ARMC3: variants seen among roughly 807,000 people sequenced by gnomAD.
ARMC3 encodes armadillo repeat containing 3, also known as armadillo repeat-containing protein 3.
In ARMC3, 74 loss-of-function variants were observed where a neutral mutation model predicts 90.3. The observed-to-expected ratio is 0.82, with a 90% CI of 0.68 to 0.99. The LOEUF (loss-of-function observed/expected upper bound fraction) is 0.99, where lower values mean the gene tolerates loss of function less well. Ranked by LOEUF, ARMC3 falls within the 50% of genes least tolerant of loss-of-function variation. The pLI, the probability that ARMC3 is intolerant of heterozygous loss-of-function variation, is 0.00. For synonymous variants in ARMC3, 334 were observed against 361.8 expected, an observed-to-expected ratio of 0.92 and a Z score of 0.87; for missense variants, 958 against 1,042.8, an observed-to-expected ratio of 0.92 and a Z score of 1.12.
At chr10:23,012,247 A>G (rs1838047319) in intron 16 of ARMC3, among the ~76,000 whole-genome samples, 1 of 152,146 alleles carries the variant, frequency 6.6e-6, no homozygotes, top group Admixed American at 6.5e-5. Flanking sequence ...GTGATATTTG[A>G]CACTGATATT....
At chr10:23,012,377 AATATCAATGTTC>A in intron 16 of ARMC3, among the ~76,000 whole-genome samples, 1 of 151,996 alleles carries the variant, frequency 6.6e-6, no homozygotes, top group South Asian at 2.1e-4. Context: ...CAATACCGTA[AATATCAATGTTC>A]TCCAGGAGTA....
At chr10:22,971,966 G>A (rs573046695) in intron 8 of ARMC3, among the ~76,000 whole-genome samples, 6 of 152,246 alleles carry the variant, frequency 3.9e-5, no homozygotes, top group South Asian at 2.1e-4. Flanking sequence ...CATCTTTATC[G>A]TGTACTTACT....
intron 2 of ARMC3, among the ~76,000 whole-genome samples, chr10:22,942,543 G>T (rs1669273079): frequency 6.6e-6 from 1 of 152,192 alleles, no homozygotes; most frequent in South Asian, 2.1e-4. Context: ...TTAAAACTAT[G>T]ATTGAAGAGC....
intron 2 of ARMC3, among the ~76,000 whole-genome samples, chr10:22,937,732 G>A (rs1316209263): frequency 1.3e-5 from 2 of 152,160 alleles, no homozygotes; most frequent in African/African-American, 2.4e-5. Flanking sequence ...TCAGCAAACA[G>A]TACACAGTTA....
chr10:22,984,897 G>A (rs1836346677), intron 10 of ARMC3, among the ~76,000 whole-genome samples: 1 of 151,304 alleles, frequency 6.6e-6, no homozygotes, highest in Non-Finnish European at 1.5e-5. Flanking sequence ...TTTTTAGACA[G>A]GGTGTCACTT....
intron 3 of ARMC3, among the ~76,000 whole-genome samples, chr10:22,952,757 C>T (rs1014726080): frequency 2.0e-5 from 3 of 152,126 alleles, no homozygotes; most frequent in Admixed American, 6.6e-5. Flanking sequence ...GCCTTATTAA[C>T]ATAGATGTAA....
At chr10:22,934,404 C>T (rs1834039901) in intron 2 of ARMC3, among the ~76,000 whole-genome samples, 1 of 152,220 alleles carries the variant, frequency 6.6e-6, no homozygotes, top group East Asian at 1.9e-4. Flanking sequence ...AAAGACACGG[C>T]TTGATCTACC....
rs1374784267 is a variant in ARMC3, at chr10:22,981,605, G to C, written c.1080G>C (p.Gln360His). The C allele has an allele frequency of 6.2e-7, 1 of 1,614,088 alleles. No homozygotes were observed. ...TTTCTCTTTCTGTAGGGATTCCACAGTTAATTCAGTTGCTAAAAAGTGACA... is the reference window on the plus strand; with the variant it reads ...TTTCTCTTTCTGTAGGGATTCCACACTTAATTCAGTTGCTAAAAAGTGACA... ...KDFFNNQGIP[Q>H]LIQLLKSDNE... is the part of the protein sequence containing the mutation. The change falls in exon 10 of 19, where the codon CAG (glutamine) becomes CAC (histidine). Residue 360 changes from glutamine (Q) to histidine (H), a missense_variant. By Grantham distance (24) the Gln-to-His change is conservative. Coordinates refer to ENST00000298032, the MANE Select transcript of ARMC3 (RefSeq NM_173081.5).
intron 11 of ARMC3, among the ~76,000 whole-genome samples, chr10:23,000,309 G>T (rs1441051330): frequency 1.3e-5 from 2 of 151,990 alleles, no homozygotes; most frequent in African/African-American, 2.4e-5. Flanking sequence ...TCCCCCACCT[G>T]ATAAATTCCT....
intron 10 of ARMC3, among the ~76,000 whole-genome samples, chr10:22,991,790 A>G (rs928605345): frequency 6.6e-6 from 1 of 152,174 alleles, no homozygotes; most frequent in Admixed American, 6.5e-5. Context: ...TGGCAAGCGC[A>G]GGGATTTTTT....
chr10:22,931,223 G>T (rs1833918131), intron 1 of ARMC3, among the ~76,000 whole-genome samples: 1 of 152,164 alleles, frequency 6.6e-6, no homozygotes, highest in African/African-American at 2.4e-5. Flanking sequence ...CACCTGCCCG[G>T]CCTGAAAAGT....
intron 16 of ARMC3, among the ~76,000 whole-genome samples, chr10:23,012,157 A>G (rs953284204): frequency 6.6e-6 from 1 of 152,032 alleles, no homozygotes. Flanking sequence ...TTTTTGGGCA[A>G]TCCTTCTGGG....
chr10:23,014,574 G>T, intron 16 of ARMC3: 2 of 853,804 alleles, frequency 2.3e-6, no homozygotes, highest in Non-Finnish European at 2.8e-6. Context: ...TGATCGACTG[G>T]ATAAAGAAAA....
intron 8 of ARMC3, among the ~76,000 whole-genome samples, chr10:22,968,691 AG>A (rs1373466766): frequency 6.6e-6 from 1 of 152,050 alleles, no homozygotes; most frequent in East Asian, 1.9e-4. Context: ...TTGTAGAGAC[AG>A]GGTTTTGCTG....
chr10:22,962,164 G>A (rs1460227565), intron 7 of ARMC3, 86 bp downstream of exon 7: 3 of 991,028 alleles, frequency 3.0e-6, no homozygotes, highest in Non-Finnish European at 4.1e-6. Flanking sequence ...TACTTAACGT[G>A]TATTAAGTGT....
intron 1 of ARMC3, among the ~76,000 whole-genome samples, chr10:22,930,847 G>A (rs1833899386): frequency 6.6e-6 from 1 of 152,120 alleles, no homozygotes; most frequent in South Asian, 2.1e-4. Flanking sequence ...TGGCCCTGAT[G>A]TCAAACATAA....
intron 1 of ARMC3, among the ~76,000 whole-genome samples, chr10:22,928,515 G>GA (rs111969562): frequency 0.016 from 2,345 of 148,824 alleles, 27 homozygotes; most frequent in Middle Eastern, 0.053. Context: ...ATCAACTCGT[G>GA]AAAAAAAAAA....
intron 8 of ARMC3, among the ~76,000 whole-genome samples, chr10:22,969,259 A>G (rs1276324127): frequency 6.6e-6 from 1 of 152,250 alleles, no homozygotes; most frequent in African/African-American, 2.4e-5. Flanking sequence ...AATCTGTAAA[A>G]TATGAGAGAT....
intron 4 of ARMC3, 50 bp from the exon 5 acceptor site, chr10:22,959,020 G>A: frequency 2.1e-6 from 3 of 1,432,294 alleles, no homozygotes; most frequent in Non-Finnish European, 3.0e-6. Flanking sequence ...ACCACACCCG[G>A]CCTATTATTA....
Sources: gnomAD v4.1 joint callset for allele counts (sites outside exome capture counted in the v4.1 genomes callset) on GRCh38, gnomAD v4.1.1 for gene constraint, MANE v1.5 for transcripts, NCBI Gene and HGNC (gene_info 2026-07-23, HGNC 2026-07-21) for gene names.